The following TSPAN16 variants were observed in gnomAD, a reference collection of about 807,000 sequenced individuals.
TSPAN16 encodes the protein tetraspanin 16.
A neutral mutation model predicts 25.2 loss-of-function variants in TSPAN16; 23 were observed. The observed-to-expected ratio is 0.91, with a 90% CI of 0.66 to 1.29. TSPAN16 has a LOEUF of 1.29. Among genes scored for constraint, TSPAN16 ranks in the 50% most tolerant of loss-of-function variants. The probability of loss-of-function intolerance (pLI) is 0.00; values close to 1 mark genes in which losing one functional copy is unlikely to be tolerated. For synonymous variants in TSPAN16, 123 were observed against 124.4 expected (o/e 0.99, Z 0.08); for missense variants, 272 against 299.9 (o/e 0.91, Z 0.69).
At chr19:11,303,577 T>TAAAAAAAAAA (rs1322861353) in intron 4 of TSPAN16, among the ~76,000 whole-genome samples, 2 of 78,304 alleles carry the variant, frequency 2.6e-5, no homozygotes, top group African/African-American at 9.3e-5. Flanking sequence ...ATAAATAAAT[T>TAAAAAAAAAA]AAAAAAAAAA....
chr19:11,306,762 T>C lies in TSPAN16; in HGVS notation c.603+6T>C, dbSNP rs757322240. 1 of 1,612,834 alleles carries C rather than the reference T, an allele frequency of 6.2e-7. No individual in the cohort carries two copies. Among genetic ancestry groups the C allele is most frequent in the African/African-American group, 1.3e-5 (1 of 75,028 alleles). On this transcript the variant is annotated splice_donor_region_variant and intron_variant, in intron 5 of 6. Transcript: ENST00000590327. ...CAAACGTCATCCACCAGAAGGTAAC[T>C]GGAGATTTTGTGTGTTGCCTTGACA...
At chr19:11,301,149 C>T (rs1599329178) in intron 3 of TSPAN16, 52 bp from the exon 4 acceptor site, 40 of 1,483,502 alleles carry the variant, frequency 2.7e-5, no homozygotes, top group East Asian at 9.1e-5. Flanking sequence ...GGCCAATGAA[C>T]GGGCCACTCT....
At chr19:11,306,830 T>C (rs2080633368) in intron 5 of TSPAN16, 74 bp downstream of exon 5, 3 of 1,464,454 alleles carry the variant, frequency 2.0e-6, no homozygotes, top group Non-Finnish European at 2.8e-6. Flanking sequence ...TTTATCTTAT[T>C]TTGAGAAAGA....
chr19:11,319,986 TTTG>T (rs1367752508), downstream of TSPAN16, among the ~76,000 whole-genome samples: 1 of 151,472 alleles, frequency 6.6e-6, no homozygotes, highest in African/African-American at 2.4e-5. Context: ...GGCTAATTTT[TTTG>T]TTGTATTTTC....
intron 2 of TSPAN16, 93 bp from the exon 3 acceptor site, chr19:11,298,779 C>A: frequency 7.9e-7 from 1 of 1,259,458 alleles, no homozygotes; most frequent in South Asian, 1.2e-5. Flanking sequence ...GGTGGAGGGT[C>A]GGGGGAACAG....
intron 6 of TSPAN16, chr19:11,321,394 ACAG>A: frequency 6.6e-6 from 1 of 152,328 alleles, no homozygotes; most frequent in East Asian, 1.9e-4. Flanking sequence ...TATCAGGAGA[ACAG>A]CATGGGGGAA....
At chr19:11,323,810 G>A (rs540321807) in intron 6 of TSPAN16, 3 of 152,232 alleles carry the variant, frequency 2.0e-5, no homozygotes, top group Non-Finnish European at 4.4e-5. Context: ...AGTCAGGGAC[G>A]TGGGAACATA....
At position 11,296,244 on chromosome 19, in the gene TSPAN16, A is replaced by C; in HGVS notation, c.-54A>C. The C allele has an allele frequency of 1.9e-6, 3 of 1,569,392 alleles. No homozygotes were observed. The highest frequency in any genetic ancestry group is 2.6e-6 in the Non-Finnish European group (3 of 1,140,480). Reference sequence around the variant, plus strand: ...CTATCATCTTGGGAAACAGTAGCCCAGAGGTTCAGGAAGATGTTAACTTAA... The same window carrying C: ...CTATCATCTTGGGAAACAGTAGCCCCGAGGTTCAGGAAGATGTTAACTTAA... On this transcript the variant is annotated 5_prime_UTR_variant, in exon 1 of 7. Coordinates refer to ENST00000590327, the MANE Select transcript of TSPAN16 (RefSeq NM_001282509.2).
chr19:11,298,975 G>C, intron 3 of TSPAN16, 29 bp downstream of exon 3: 1 of 1,607,558 alleles, frequency 6.2e-7, no homozygotes, highest in Non-Finnish European at 8.5e-7. Context: ...CTCCCACATA[G>C]CATTAGAAAG....
intron 5 of TSPAN16, chr19:11,307,979 G>A (rs1215485956): frequency 6.6e-6 from 1 of 152,172 alleles, no homozygotes; most frequent in Non-Finnish European, 1.5e-5. Context: ...CTGCCTTCTA[G>A]AGACCCTAAA....
Position 11,296,324 on chromosome 19 carries a change from T to C in TSPAN16, c.27T>C (p.Ser9=). The C allele has an allele frequency of 6.2e-7, 1 of 1,614,200 alleles. No homozygotes were observed. The highest frequency in any genetic ancestry group is 8.5e-7 in the Non-Finnish European group (1 of 1,180,038). ...TGGCTGAAATCCACACTCCGTATTCTTCCTTGAAGAAACTGTTATCTTTAC... is the reference window on the plus strand; with the variant it reads ...TGGCTGAAATCCACACTCCGTATTCCTCCTTGAAGAAACTGTTATCTTTAC... MAEIHTPY[S]SLKKLLSLLN... is the part of the protein sequence containing the mutation. Residue 9 remains serine (S), a synonymous_variant, in exon 1 of 7, where the codon TCT becomes TCC. Coordinates refer to ENST00000590327, the MANE Select transcript of TSPAN16 (RefSeq NM_001282509.2).
intron 4 of TSPAN16, among the ~76,000 whole-genome samples, chr19:11,302,515 T>A (rs1599331368): frequency 1.1e-5 from 1 of 93,502 alleles, no homozygotes; most frequent in Admixed American, 1.7e-4. Flanking sequence ...GGCAACAGAG[T>A]GAGGCTCCAT....
intron 5 of TSPAN16, among the ~76,000 whole-genome samples, chr19:11,309,455 A>G (rs763376932): frequency 1.3e-5 from 2 of 152,292 alleles, no homozygotes; most frequent in East Asian, 1.9e-4. Flanking sequence ...GCTACTGCTC[A>G]GAAACACCAG....
chr19:11,326,936 G>A, exon 7 of TSPAN16: 1 of 514,054 alleles, frequency 1.9e-6, no homozygotes, highest in Middle Eastern at 5.1e-4. Flanking sequence ...GGTTCCTGAG[G>A]GTCTGCCTGA....
intron 5 of TSPAN16, among the ~76,000 whole-genome samples, chr19:11,311,088 C>T (rs981772502): frequency 9.5e-5 from 13 of 136,992 alleles, no homozygotes; most frequent in Admixed American, 5.9e-4. Flanking sequence ...CTGCCAGCCT[C>T]GGCCTCTCAG....
rs548089206 is a variant in TSPAN16 at position 11,298,804 on chromosome 19, C to T, written c.268-68C>T. 2.4e-5 allele frequency: 36 copies of T among 1,472,406 alleles called. No homozygotes were observed. The African/African-American group carries it at 4.3e-4, about 18-fold the overall frequency. 91.2% of individuals were successfully genotyped at this position (1,472,406 alleles called of 1,614,324 possible). A position where few individuals can be genotyped will look rare whatever the true frequency, so the allele number is the denominator to read the frequency against. On this transcript the variant is annotated intron_variant, in intron 2 of 6. Transcript: ENST00000590327. ...CGGGGGAACAGAGACAACCCCTCAC[C>T]TGCAGGGTATAAGGTCGGGAGGAGG...
At chr19:11,301,023 G>T in intron 3 of TSPAN16, 178 bp from the exon 4 acceptor site, 2 of 572,406 alleles carry the variant, frequency 3.5e-6, no homozygotes. Context: ...CTCTTGTGGT[G>T]GGGGCACAGT....
downstream of TSPAN16, among the ~76,000 whole-genome samples, chr19:11,318,480 A>AG (rs2080760417): frequency 6.6e-6 from 1 of 151,494 alleles, no homozygotes; most frequent in Non-Finnish European, 1.5e-5. Context: ...CTTCTAATTT[A>AG]ATTGAACTGG....
chr19:11,324,540 G>C (rs2080799923), intron 6 of TSPAN16: 1 of 150,074 alleles, frequency 6.7e-6, no homozygotes, highest in Non-Finnish European at 1.5e-5. Context: ...CCCAGCCCCA[G>C]GCTCCTGGCT....
Sources: allele counts gnomAD v4.1 joint callset (sites outside exome capture counted in the v4.1 genomes callset), GRCh38; gene constraint gnomAD v4.1.1; transcripts MANE v1.5; gene names NCBI Gene and HGNC (gene_info 2026-07-23, HGNC 2026-07-21).